Variants in ASPRV1 observed in about 807,000 individuals in gnomAD.
ASPRV1 encodes the protein aspartic peptidase retroviral like 1, also known as retroviral-like aspartic protease 1.
Under a neutral mutation model 11.0 loss-of-function variants are expected in ASPRV1, and 7 were observed. The observed-to-expected ratio is 0.64, with a 90% CI of 0.36 to 1.20. The LOEUF (loss-of-function observed/expected upper bound fraction) is 1.20. ASPRV1 is among the 50% of genes most tolerant of loss of function. The probability of loss-of-function intolerance (pLI) is 0.02; values close to 1 mark genes in which losing one functional copy is unlikely to be tolerated. For missense variants in ASPRV1, 299 were observed against 320.0 expected, an observed-to-expected ratio of 0.93 and a Z score of 0.50; for synonymous variants, 136 against 138.4, an observed-to-expected ratio of 0.98 and a Z score of 0.12.
chr2:70,080,429 G>A, the ASPRV1 span, among the ~76,000 whole-genome samples: 7 of 152,112 alleles, frequency 4.6e-5, no homozygotes, highest in Non-Finnish European at 1.0e-4. Flanking sequence ...GTTTCACCAC[G>A]TTGGCCAGGC....
the ASPRV1 span, chr2:70,032,392 A>C: frequency 6.6e-6 from 1 of 152,060 alleles, no homozygotes; most frequent in Non-Finnish European, 1.5e-5. Flanking sequence ...GTGGTGGCTC[A>C]CAATTATAAT....
chr2:70,064,483 G>C, the ASPRV1 span, among the ~76,000 whole-genome samples: 5 of 152,190 alleles, frequency 3.3e-5, no homozygotes, highest in Non-Finnish European at 7.3e-5. Context: ...AGGCTAATCA[G>C]GTGAAGTTAT....
At chr2:70,022,629 G>A in the ASPRV1 span, among the ~76,000 whole-genome samples, 1 of 152,186 alleles carries the variant, frequency 6.6e-6, no homozygotes, top group Non-Finnish European at 1.5e-5. Flanking sequence ...GGTCAAGGCT[G>A]CAGTGAGCTG....
chr2:69,998,597 T>C, the ASPRV1 span, among the ~76,000 whole-genome samples: 1 of 151,506 alleles, frequency 6.6e-6, no homozygotes, highest in Non-Finnish European at 1.5e-5. Flanking sequence ...GGCACGGTGG[T>C]GGGCGCCTGT....
At chr2:69,944,498 G>T in the ASPRV1 span, among the ~76,000 whole-genome samples, 2 of 152,214 alleles carry the variant, frequency 1.3e-5, no homozygotes, top group African/African-American at 4.8e-5. Flanking sequence ...GGAGAGAGAA[G>T]TGAGGCATTT....
At chr2:70,039,680 T>C in the ASPRV1 span, among the ~76,000 whole-genome samples, 2 of 152,206 alleles carry the variant, frequency 1.3e-5, no homozygotes, top group Admixed American at 6.5e-5. Context: ...AAAGGTCTTC[T>C]GGCCCCTACT....
the ASPRV1 span, chr2:70,032,220 A>C: frequency 6.6e-6 from 1 of 152,242 alleles, no homozygotes; most frequent in Non-Finnish European, 1.5e-5. Flanking sequence ...TGTTAAGACT[A>C]CGAGATAAAT....
chr2:70,066,101 T>C, the ASPRV1 span, among the ~76,000 whole-genome samples: 82 of 150,850 alleles, frequency 5.4e-4, no homozygotes, highest in African/African-American at 1.9e-3. Flanking sequence ...CCCAGCACTT[T>C]GGGAGGCTGA....
the ASPRV1 span, among the ~76,000 whole-genome samples, chr2:69,934,155 G>T: frequency 2.0e-5 from 3 of 152,226 alleles, no homozygotes; most frequent in Non-Finnish European, 2.9e-5. Context: ...GCAATGAATG[G>T]TTAAGTAAGA....
At chr2:69,933,980 G>T in the ASPRV1 span, among the ~76,000 whole-genome samples, 1 of 152,210 alleles carries the variant, frequency 6.6e-6, no homozygotes, top group Non-Finnish European at 1.5e-5. Context: ...CACTGCTGAA[G>T]GTGCAAAGAT....
chr2:69,984,376 C>A, the ASPRV1 span, among the ~76,000 whole-genome samples: 16 of 152,130 alleles, frequency 1.1e-4, no homozygotes, highest in African/African-American at 3.6e-4. Context: ...GGCTTAAGTT[C>A]ATTAAATCCA....
At chr2:69,958,287 C>T (rs575099253), downstream of ASPRV1, among the ~76,000 whole-genome samples, 54 of 152,174 alleles carry the variant, frequency 3.5e-4, no homozygotes, top group African/African-American at 1.3e-3. Context: ...GGCCATGCTT[C>T]AGATGTCACA....
the ASPRV1 span, chr2:69,938,359 C>T: frequency 1.3e-5 from 19 of 1,472,836 alleles, no homozygotes; most frequent in South Asian, 2.5e-5. Context: ...TGGACCTGCC[C>T]ACAACTCCCT....
At chr2:70,040,732 G>A in the ASPRV1 span, among the ~76,000 whole-genome samples, 2 of 152,110 alleles carry the variant, frequency 1.3e-5, no homozygotes, top group Admixed American at 1.3e-4. Flanking sequence ...TACTCGGGAG[G>A]CTGAGGCAGG....
upstream of ASPRV1, among the ~76,000 whole-genome samples, chr2:69,965,849 C>T (rs1678322110): frequency 6.6e-6 from 1 of 152,224 alleles, no homozygotes; most frequent in Non-Finnish European, 1.5e-5. Context: ...CTGCCACACT[C>T]CTCACCCAGT....
the ASPRV1 span, chr2:69,937,368 C>G: frequency 6.2e-7 from 1 of 1,611,998 alleles, no homozygotes; most frequent in African/African-American, 1.3e-5. Context: ...TCCACCGTCT[C>G]CTCGGAGCGC....
At chr2:70,010,265 C>T in the ASPRV1 span, among the ~76,000 whole-genome samples, 1 of 151,936 alleles carries the variant, frequency 6.6e-6, no homozygotes, top group Non-Finnish European at 1.5e-5. Flanking sequence ...GATAAGGGCA[C>T]AAGAGTCCAG....
At chr2:69,963,328 C>G (rs1678201034), upstream of ASPRV1, 3 of 456,430 alleles carry the variant, frequency 6.6e-6, no homozygotes, top group African/African-American at 6.0e-5. Flanking sequence ...TAATGAAAAA[C>G]CTGCATCCAG....
chr2:70,040,128 G>C, the ASPRV1 span, among the ~76,000 whole-genome samples: 74 of 152,274 alleles, frequency 4.9e-4, 1 homozygote, highest in Admixed American at 3.8e-3. Context: ...TCTAGGTGGA[G>C]GATGATGGTA....
Sources: allele counts gnomAD v4.1 joint callset (sites outside exome capture counted in the v4.1 genomes callset), GRCh38; gene constraint gnomAD v4.1.1; transcripts MANE v1.5; gene names NCBI Gene and HGNC (gene_info 2026-07-23, HGNC 2026-07-21).